Variants in RNF150 observed in about 807,000 individuals in gnomAD.
The protein encoded by RNF150 is ring finger protein 150.
A neutral mutation model predicts 39.3 loss-of-function variants in RNF150; 24 were observed. The observed-to-expected ratio is 0.61, with a 90% CI of 0.44 to 0.86. RNF150 has a LOEUF of 0.86. Among genes scored for constraint, RNF150 ranks in the 40% least tolerant of loss-of-function variants. The pLI is 0.00. For synonymous variants in RNF150, 255 were observed against 227.3 expected, an observed-to-expected ratio of 1.12 and a Z score of -1.10; for missense variants, 502 against 587.8, an observed-to-expected ratio of 0.85 and a Z score of 1.51.
chr4:141,034,304 C>T (rs1251788963), intron 1 of RNF150, among the ~76,000 whole-genome samples: 1 of 152,168 alleles, frequency 6.6e-6, no homozygotes, highest in Non-Finnish European at 1.5e-5. Flanking sequence ...GCTTCTTCAC[C>T]TCTCTCAGCC....
intron 1 of RNF150, among the ~76,000 whole-genome samples, chr4:141,104,889 G>A (rs1739145485): frequency 6.6e-6 from 1 of 152,094 alleles, no homozygotes; most frequent in African/African-American, 2.4e-5. Context: ...TCATGGTGAT[G>A]AGGCTGTCTC....
At chr4:140,869,600 C>T (rs979111760) in intron 6 of RNF150, among the ~76,000 whole-genome samples, 2 of 152,132 alleles carry the variant, frequency 1.3e-5, no homozygotes, top group African/African-American at 4.8e-5. Flanking sequence ...AATTACAACA[C>T]AGTGAGATAA....
intron 6 of RNF150, among the ~76,000 whole-genome samples, chr4:140,887,857 C>T (rs1185400652): frequency 6.6e-6 from 1 of 152,098 alleles, no homozygotes; most frequent in Non-Finnish European, 1.5e-5. Context: ...AAATAATGTG[C>T]CTAAATATAT....
At chr4:141,171,862 C>T (rs978105377) in intron 1 of RNF150, among the ~76,000 whole-genome samples, 1 of 152,122 alleles carries the variant, frequency 6.6e-6, no homozygotes, top group Non-Finnish European at 1.5e-5. Flanking sequence ...TCCCAAAGCC[C>T]CCTTGAAGAA....
chr4:141,100,642 G>C (rs59513662), intron 1 of RNF150, among the ~76,000 whole-genome samples: 1 of 152,176 alleles, frequency 6.6e-6, no homozygotes, highest in Non-Finnish European at 1.5e-5. Context: ...ATACAAAGAG[G>C]CATGCTAGGG....
intron 1 of RNF150, among the ~76,000 whole-genome samples, chr4:141,204,168 A>G (rs1012165154): frequency 2.0e-5 from 3 of 152,192 alleles, no homozygotes; most frequent in Non-Finnish European, 4.4e-5. Flanking sequence ...GTTTTGAAGA[A>G]TCAGTCTTGG....
intron 5 of RNF150, among the ~76,000 whole-genome samples, chr4:140,919,792 C>T (rs971601761): frequency 7.8e-6 from 1 of 128,332 alleles, no homozygotes; most frequent in African/African-American, 2.6e-5. Flanking sequence ...AACTTGGTTA[C>T]AAGGCTACGG....
intron 1 of RNF150, among the ~76,000 whole-genome samples, chr4:140,978,128 C>T (rs1733730144): frequency 6.6e-6 from 1 of 152,008 alleles, no homozygotes; most frequent in African/African-American, 2.4e-5. Flanking sequence ...GTAGAGCCAA[C>T]CAACTGACTT....
intron 1 of RNF150, among the ~76,000 whole-genome samples, chr4:141,005,269 A>G (rs1734821444): frequency 6.6e-6 from 1 of 152,216 alleles, no homozygotes; most frequent in African/African-American, 2.4e-5. Flanking sequence ...TGAGTGGATG[A>G]TTCTGTAGAG....
At chr4:140,964,646 T>C (rs904735961) in intron 2 of RNF150, among the ~76,000 whole-genome samples, 1 of 152,090 alleles carries the variant, frequency 6.6e-6, no homozygotes, top group South Asian at 2.1e-4. Context: ...CGAAAACTTA[T>C]TACATTTGAA....
At chr4:141,078,804 A>T (rs1330612198) in intron 1 of RNF150, among the ~76,000 whole-genome samples, 1 of 83,536 alleles carries the variant, frequency 1.2e-5, no homozygotes, top group Non-Finnish European at 2.5e-5. Flanking sequence ...AAAAAAAAAA[A>T]AAAAATATAT....
chr4:140,881,797 C>T (rs752398652), intron 6 of RNF150, among the ~76,000 whole-genome samples: 17 of 152,058 alleles, frequency 1.1e-4, no homozygotes, highest in Non-Finnish European at 1.5e-4. Flanking sequence ...GGGAGGATAT[C>T]ATGAGCCCAG....
chr4:141,173,486 T>G (rs144882231), intron 1 of RNF150, among the ~76,000 whole-genome samples: 139 of 152,300 alleles, frequency 9.1e-4, no homozygotes, highest in African/African-American at 3.2e-3. Flanking sequence ...TGACAGAAGA[T>G]GAAATTGAGG....
intron 1 of RNF150, among the ~76,000 whole-genome samples, chr4:141,000,061 AG>A (rs1438811434): frequency 2.2e-5 from 2 of 92,392 alleles, no homozygotes; most frequent in Non-Finnish European, 2.5e-5. Context: ...AAGAAGAAGA[AG>A]AAGAAGAAGA....
At chr4:141,065,835 T>C (rs1002469456) in intron 1 of RNF150, among the ~76,000 whole-genome samples, 4 of 151,928 alleles carry the variant, frequency 2.6e-5, no homozygotes, top group Non-Finnish European at 4.4e-5. Flanking sequence ...ACCCACACAC[T>C]CATGGAAGGT....
chr4:140,921,175 TATAATAATAATAATAATA>T (rs58434636), intron 5 of RNF150, among the ~76,000 whole-genome samples: 1 of 148,092 alleles, frequency 6.8e-6, no homozygotes, highest in Non-Finnish European at 1.5e-5. Flanking sequence ...AAACTTAAAG[TATAATAATAATAATAATA>T]ATAATAATAT....
chr4:141,018,982 T>G (rs1735380423), intron 1 of RNF150, among the ~76,000 whole-genome samples: 1 of 148,824 alleles, frequency 6.7e-6, no homozygotes, highest in Admixed American at 6.8e-5. Flanking sequence ...CTTCTCCTAT[T>G]AATCTATAGA....
chr4:141,072,264 C>T (rs1737736110), intron 1 of RNF150, among the ~76,000 whole-genome samples: 1 of 152,198 alleles, frequency 6.6e-6, no homozygotes, highest in Admixed American at 6.5e-5. Flanking sequence ...AATTTTGTGA[C>T]CACTAACCAA....
intron 1 of RNF150, among the ~76,000 whole-genome samples, chr4:141,178,607 T>G (rs1039286616): frequency 2.6e-5 from 4 of 152,132 alleles, no homozygotes; most frequent in African/African-American, 7.2e-5. Flanking sequence ...ACATACTGTC[T>G]TTAGCTTAAA....
Sources: gnomAD v4.1 joint callset for allele counts (sites outside exome capture counted in the v4.1 genomes callset) on GRCh38, gnomAD v4.1.1 for gene constraint, MANE v1.5 for transcripts, NCBI Gene and HGNC (gene_info 2026-07-23, HGNC 2026-07-21) for gene names.